TELO2: variants seen among roughly 807,000 people sequenced by gnomAD.
TELO2 encodes the protein telomere length regulation protein TEL2 homolog.
In TELO2, 71 loss-of-function variants were observed where a neutral mutation model predicts 91.0. The observed-to-expected ratio is 0.78, with a 90% CI of 0.64 to 0.95. The LOEUF is 0.95. TELO2 is among the 40% of genes least tolerant of loss of function. The pLI is 0.00. For missense variants in TELO2, 1,183 were observed against 1,141.3 expected, an observed-to-expected ratio of 1.04 and a Z score of -0.53; for synonymous variants, 584 against 518.9, an observed-to-expected ratio of 1.13 and a Z score of -1.71.
In TELO2 at chr16:1,494,246, G is replaced by T; in HGVS notation, c.-36G>T. On this transcript the variant is annotated splice_region_variant and 5_prime_UTR_variant, in exon 2 of 21. Coordinates refer to ENST00000262319, the MANE Select transcript of TELO2 (RefSeq NM_016111.4). This position sits in a 1 kb window ranked among gnomAD's most constrained non-coding sequence, Gnocchi z 5.6. ...GCTGAGCCCTGTGTCCATGTCACAGGTCGTCTTCCCGTGACGCCCAGATCT... is the reference window on the plus strand; with the variant it reads ...GCTGAGCCCTGTGTCCATGTCACAGTTCGTCTTCCCGTGACGCCCAGATCT... 2 of 1,585,898 alleles carry T rather than the reference G, an allele frequency of 1.3e-6. No individual in the cohort carries two copies.
At position 1,500,758 on chromosome 16, in the gene TELO2, G is replaced by C. The variant is rs1048671673; in HGVS notation, c.1281+59G>C. 3 of 1,583,780 alleles carry C rather than the reference G, an allele frequency of 1.9e-6. No homozygotes were observed. The African/African-American group carries it at 4.0e-5, about 21-fold the overall frequency. ...GCTGGCCCGGGTCTCCCGAGCGGCT[G>C]CCTCTCCAGCCCCAGGGTCACCGCC... On this transcript the variant is annotated intron_variant, in intron 9 of 20. Transcript: ENST00000262319.
At chr16:1,507,856 GTGTGTGT>G in intron 20 of TELO2, 140 bp downstream of exon 20, 1 of 40,006 alleles carries the variant, frequency 2.5e-5, no homozygotes, top group Non-Finnish European at 3.9e-5. Flanking sequence ...CGGGGTGTGT[GTGTGTGT>G]GTGTGTGTGT....
rs1295828449 is a variant in TELO2, at chr16:1,502,679, TGGA to T, written c.1693_1695del (p.Glu565del). The T allele has an allele frequency of 2.5e-6, 4 of 1,612,624 alleles. No homozygotes were observed. Among genetic ancestry groups the T allele is most frequent in the Admixed American group, 3.3e-5 (2 of 60,032 alleles). On this transcript the variant is annotated inframe_deletion, in exon 14 of 21. Coordinates refer to ENST00000262319, the MANE Select transcript of TELO2 (RefSeq NM_016111.4). Reference sequence around the variant, plus strand: ...GAGCTGGCCAAGGTGCTTCTGCATCTGGAGGAGAAGACCTGTGTGGTGGGATTT... The same window carrying T: ...GAGCTGGCCAAGGTGCTTCTGCATCTGGAGAAGACCTGTGTGGTGGGATTT...
Position 1,505,226 on chromosome 16 carries a change from C to A in TELO2, c.1843-184C>A. ...CACGGTGCCCACCTTCCCCACCTTC[C>A]CGCCTACCAAGGCGCGGTTGCTGTG... On this transcript the variant is annotated intron_variant, in intron 15 of 20. Coordinates refer to ENST00000262319, the MANE Select transcript of TELO2 (RefSeq NM_016111.4). The surrounding 1 kb of genome is among the most constrained non-coding windows in gnomAD (Gnocchi z 4.3). The A allele has an allele frequency of 1.5e-6, 1 of 657,552 alleles. No individual in the cohort carries two copies. The allele number at this position is 657,552 out of a possible 1,614,324, so 40.7% of individuals were successfully genotyped here.
intron 5 of TELO2, among the ~76,000 whole-genome samples, chr16:1,498,938 CGAGGGTG>C (rs2039582638): frequency 6.6e-6 from 1 of 152,206 alleles, no homozygotes; most frequent in Non-Finnish European, 1.5e-5. Context: ...AGGAGGCCTT[CGAGGGTG>C]GACCCGCCTC....
rs981225744 is a variant in TELO2, at chr16:1,503,161, G to A, written c.1842+159G>A. 2.0e-5 allele frequency among the ~76,000 whole-genome samples: 3 copies of A among 152,358 alleles called. No homozygotes were observed. The South Asian group carries it at 6.2e-4, about 32-fold the overall frequency. ...TGACCCGGCAGGACTCAGCAGTGGG[G>A]GAGTCAGGGCTCCCGGGGCAGAGAG... On this transcript the variant is annotated intron_variant, in intron 15 of 20. Coordinates refer to ENST00000262319, the MANE Select transcript of TELO2 (RefSeq NM_016111.4).
Position 1,505,746 on chromosome 16 carries a change from G to A in TELO2, c.2034+145G>A. Reference sequence around the variant, plus strand: ...CCTTTGCCGGGATTCCTGAAAGGCAGGGTCCATGGTTTGCACCGAGGAACT... The same window carrying A: ...CCTTTGCCGGGATTCCTGAAAGGCAAGGTCCATGGTTTGCACCGAGGAACT... On this transcript the variant is annotated intron_variant, in intron 16 of 20. Coordinates refer to ENST00000262319, the MANE Select transcript of TELO2 (RefSeq NM_016111.4). The surrounding 1 kb of genome is among the most constrained non-coding windows in gnomAD (Gnocchi z 4.3). 1.2e-5 allele frequency: 14 copies of A among 1,148,522 alleles called. No individual in the cohort carries two copies. The highest frequency in any genetic ancestry group is 1.6e-5 in the Non-Finnish European group (13 of 829,464). The allele number at this position is 1,148,522 out of a possible 1,614,324, so 71.1% of individuals were successfully genotyped here.
chr16:1,494,641 G>A lies in TELO2; in HGVS notation c.335+25G>A, dbSNP rs2039414482. On this transcript the variant is annotated intron_variant, in intron 2 of 20. Coordinates refer to ENST00000262319, the MANE Select transcript of TELO2 (RefSeq NM_016111.4). This position sits in a 1 kb window ranked among gnomAD's most constrained non-coding sequence, Gnocchi z 5.6. ...GGTGAGTGGGCTGGGCCCATCCTGGGGTTGCCGGTAGCCTCAGAAGTGATG... is the reference window on the plus strand; with the variant it reads ...GGTGAGTGGGCTGGGCCCATCCTGGAGTTGCCGGTAGCCTCAGAAGTGATG... 1 of 1,596,640 alleles carries A rather than the reference G, an allele frequency of 6.3e-7. No homozygotes were observed. Among genetic ancestry groups the A allele is most frequent in the African/African-American group, 1.3e-5 (1 of 74,752 alleles).
chr16:1,502,249 G>T, intron 12 of TELO2, 64 bp from the exon 13 acceptor site: 1 of 1,567,004 alleles, frequency 6.4e-7, no homozygotes, highest in Non-Finnish European at 8.6e-7. Context: ...CGCCCGTGCT[G>T]CTGGCTCTCA....
chr16:1,494,125 G>A lies in TELO2; in HGVS notation c.-36-121G>A. 1.5e-6 allele frequency: 1 copy of A among 657,384 alleles called. No homozygotes were observed. Among genetic ancestry groups the A allele is most frequent in the Non-Finnish European group, 2.6e-6 (1 of 387,338 alleles). The allele number at this position is 657,384 out of a possible 1,614,324, so 40.7% of individuals were successfully genotyped here. ...CAGGCACTGGAGGGGAAGGAGGCGG[G>A]ACAGGGTTGGGTGGGACCAGGGTTG... On this transcript the variant is annotated intron_variant, in intron 1 of 20. Transcript: ENST00000262319. The surrounding 1 kb of genome is among the most constrained non-coding windows in gnomAD (Gnocchi z 5.6).
At chr16:1,496,895 G>A in intron 3 of TELO2, 141 bp from the exon 4 acceptor site, 1 of 747,788 alleles carries the variant, frequency 1.3e-6, no homozygotes, top group East Asian at 2.7e-5. Flanking sequence ...TGCTGGGTAG[G>A]CTGATGGGCA....
Position 1,506,320 on chromosome 16 carries a change from G to T in TELO2, c.2117G>T (p.Arg706Leu), listed in dbSNP as rs749527552. ...AGHFFFPLLQ[R>L]FDRPLVTFDL... ...CACTTCTTCTTCCCCCTCCTTCAGC[G>T]CTTTGACAGGTGAGTGGGTTTTCCG... Residue 706 changes from arginine (R) to leucine (L), a missense_variant, in exon 17 of 21, where the codon CGC (arginine) becomes CTC (leucine). Physicochemically the swap from Arg to Leu is moderately radical, Grantham distance 102 (BLOSUM62 -2). Transcript: ENST00000262319. The T allele has an allele frequency of 3.1e-6, 5 of 1,613,930 alleles. 1 individual carries two copies. The highest frequency in any genetic ancestry group is 3.3e-5 in the Admixed American group (2 of 60,012).
intron 9 of TELO2, 77 bp from the exon 10 acceptor site, chr16:1,501,343 A>G (rs2039668253): frequency 6.7e-7 from 1 of 1,490,116 alleles, no homozygotes; most frequent in Non-Finnish European, 9.2e-7. Context: ...CACAGTGGGG[A>G]GTGGCTCCCG....
intron 11 of TELO2, 47 bp downstream of exon 11, chr16:1,501,820 G>A (rs370644390): frequency 1.2e-5 from 19 of 1,576,504 alleles, no homozygotes; most frequent in Non-Finnish European, 1.3e-5. Flanking sequence ...AGGCCGGGAG[G>A]CGAACCCCTC....
Position 1,495,431 on chromosome 16 carries a change from T to C in TELO2, c.421T>C (p.Cys141Arg), listed in dbSNP as rs750853011. 1.3e-5 allele frequency: 21 copies of C among 1,600,246 alleles called. No individual in the cohort carries two copies. The highest frequency in any genetic ancestry group is 1.2e-5 in the Non-Finnish European group (14 of 1,174,700). Residue 141 changes from cysteine to arginine, a missense_variant, in exon 3 of 21, where the codon TGT becomes CGT. Physicochemically the swap from Cys to Arg is radical, Grantham distance 180. Coordinates refer to ENST00000262319, the MANE Select transcript of TELO2 (RefSeq NM_016111.4). ...GCTGGCAGTGCTGATGGAGGCGCAG[T>C]GTCGGCAGCAGACGCAGCCCGGCTT... ...GRLAVLMEAQCRQQTQPGFIL... is the reference protein window; with the variant it reads ...GRLAVLMEAQRRQQTQPGFIL...
chr16:1,509,818 C>CT lies in TELO2; in HGVS notation c.2408-11dup, dbSNP rs1396319313. 4.7e-5 allele frequency: 76 copies of CT among 1,607,286 alleles called. No homozygotes were observed. The highest frequency in any genetic ancestry group is 6.2e-5 in the Non-Finnish European group (73 of 1,177,782). On this transcript the variant is annotated splice_polypyrimidine_tract_variant and intron_variant, in intron 20 of 20. Coordinates refer to ENST00000262319, the MANE Select transcript of TELO2 (RefSeq NM_016111.4). ...CGCTGCCTCAGCTTTGCTTGTCACTCTCGTCTGGCAGACGTGGCTGAGAAA... is the reference window on the plus strand; with the variant it reads ...CGCTGCCTCAGCTTTGCTTGTCACTCTTCGTCTGGCAGACGTGGCTGAGAAA...
chr16:1,496,600 C>T (rs1298544670), intron 3 of TELO2, among the ~76,000 whole-genome samples: 1 of 152,324 alleles, frequency 6.6e-6, no homozygotes, highest in Middle Eastern at 3.4e-3. Flanking sequence ...CTGGTACAGC[C>T]CGGCCCCTCC....
rs768321499 is a variant in TELO2 at position 1,495,603 on chromosome 16, C to A, written c.593C>A (p.Ala198Glu). 1.3e-6 allele frequency: 2 copies of A among 1,599,248 alleles called. No individual in the cohort carries two copies. The highest frequency in any genetic ancestry group is 1.1e-5 in the South Asian group (1 of 90,520). The part of the protein sequence containing the change: ...LGEEVVRVLQ[A>E]VVDSLQGGLD... ...GAGGAGGTCGTCCGGGTGCTGCAGG[C>A]GGTTGTGGACTCTCTCCAAGGTGAG... The change falls in exon 3 of 21, where the codon GCG becomes GAG. Residue 198 changes from alanine (A) to glutamate (E), a missense_variant. Coordinates refer to ENST00000262319, the MANE Select transcript of TELO2 (RefSeq NM_016111.4).
chr16:1,500,998 G>C (rs1282787562), intron 9 of TELO2, among the ~76,000 whole-genome samples: 2 of 152,204 alleles, frequency 1.3e-5, no homozygotes, highest in African/African-American at 4.8e-5. Context: ...CCTGCAGTTT[G>C]TCCGGCCGGG....
Sources: allele counts gnomAD v4.1 joint callset (sites outside exome capture counted in the v4.1 genomes callset), GRCh38; gene constraint gnomAD v4.1.1; non-coding constraint Gnocchi (gnomAD v3.1); transcripts MANE v1.5; gene names NCBI Gene and HGNC (gene_info 2026-07-23, HGNC 2026-07-21).